Variants in ARHGAP22 observed in about 807,000 individuals in gnomAD.
The protein encoded by ARHGAP22 is rho GTPase-activating protein 22.
Under a neutral mutation model 59.1 loss-of-function variants are expected in ARHGAP22, and 48 were observed. That is an observed-to-expected ratio of 0.81 (90% CI 0.64 to 1.03). The LOEUF (loss-of-function observed/expected upper bound fraction) is 1.03. Among genes scored for constraint, ARHGAP22 ranks in the 50% least tolerant of loss-of-function variants. The pLI is 0.00. For synonymous variants in ARHGAP22, 445 were observed against 416.4 expected, an observed-to-expected ratio of 1.07 and a Z score of -0.84; for missense variants, 1,015 against 958.7, an observed-to-expected ratio of 1.06 and a Z score of -0.78.
intron 1 of ARHGAP22, 27 bp downstream of exon 1, chr10:48,604,726 TGCGGTGCCCA>T (rs76051783): frequency 6.2e-7 from 1 of 1,614,186 alleles, no homozygotes; most frequent in East Asian, 2.2e-5. Context: ...AAGAGGCACA[TGCGGTGCCCA>T]GAGAAACCCC....
At chr10:48,572,952 G>A (rs1289830355) in intron 2 of ARHGAP22, among the ~76,000 whole-genome samples, 1 of 152,156 alleles carries the variant, frequency 6.6e-6, no homozygotes, top group African/African-American at 2.4e-5. Context: ...AGAAGGGGCA[G>A]GAATAAGTGG....
intron 4 of ARHGAP22, among the ~76,000 whole-genome samples, chr10:48,469,441 A>G (rs2048023086): frequency 6.6e-6 from 1 of 152,086 alleles, no homozygotes; most frequent in South Asian, 2.1e-4. Flanking sequence ...TGGCCTCTTC[A>G]CTCTGGATGG....
In ARHGAP22 at chr10:48,555,684, G is replaced by T. The variant is rs141635933; in HGVS notation, c.235-134C>A. The T allele has an allele frequency of 1.4e-3, 1,089 of 757,756 alleles. 1 individual carries two copies. Among genetic ancestry groups the T allele is most frequent in the African/African-American group, 0.011 (664 of 57,950 alleles). 46.9% of individuals were successfully genotyped at this position (757,756 alleles called of 1,614,324 possible). On this transcript the variant is annotated intron_variant, in intron 2 of 9. Coordinates refer to ENST00000249601, the MANE Select transcript of ARHGAP22 (RefSeq NM_021226.4). ...ATGGCTGGGAAGGCTGGGCCTCAGA[G>T]AGGGGCACACACCTCCTCTCCTAGG...
chr10:48,504,766 C>CTG (rs918302165), intron 3 of ARHGAP22, among the ~76,000 whole-genome samples: 2 of 152,096 alleles, frequency 1.3e-5, no homozygotes, highest in African/African-American at 4.8e-5. Flanking sequence ...GAAGCAGAGG[C>CTG]TGGGGCCACA....
chr10:48,529,843 A>G (rs2054651959), intron 3 of ARHGAP22, among the ~76,000 whole-genome samples: 1 of 152,254 alleles, frequency 6.6e-6, no homozygotes, highest in African/African-American at 2.4e-5. Context: ...AACAAAACAT[A>G]AAAGTAGGGA....
intron 3 of ARHGAP22, among the ~76,000 whole-genome samples, chr10:48,533,711 T>G (rs1052182053): frequency 2.0e-5 from 3 of 152,220 alleles, no homozygotes; most frequent in Non-Finnish European, 4.4e-5. Context: ...ACTACGTAAA[T>G]GAATGAGTGT....
intron 1 of ARHGAP22, among the ~76,000 whole-genome samples, chr10:48,590,618 T>C (rs1208249304): frequency 2.0e-5 from 3 of 152,154 alleles, no homozygotes; most frequent in African/African-American, 7.2e-5. Flanking sequence ...TGTGCCAGGG[T>C]GCCCATAAAC....
At chr10:48,628,926 G>A (rs1295747985) in intron 1 of ARHGAP22, among the ~76,000 whole-genome samples, 1 of 152,202 alleles carries the variant, frequency 6.6e-6, no homozygotes, top group Non-Finnish European at 1.5e-5. Flanking sequence ...GGCCACTGCT[G>A]TGACTAAGGG....
intron 3 of ARHGAP22, among the ~76,000 whole-genome samples, chr10:48,505,927 C>A (rs1243790300): frequency 3.9e-5 from 6 of 152,238 alleles, no homozygotes; most frequent in African/African-American, 1.4e-4. Context: ...ACTCCGTATC[C>A]CAGTTCTGCC....
chr10:48,578,323 T>C (rs560254218), intron 2 of ARHGAP22, among the ~76,000 whole-genome samples: 16 of 152,160 alleles, frequency 1.1e-4, no homozygotes, highest in Non-Finnish European at 2.4e-4. Flanking sequence ...CCCTCATCTG[T>C]TTTCCTGCAT....
chr10:48,602,408 C>G (rs1010539191), intron 1 of ARHGAP22, among the ~76,000 whole-genome samples: 2 of 151,706 alleles, frequency 1.3e-5, no homozygotes, highest in African/African-American at 4.9e-5. Context: ...CAAACAAAGA[C>G]AGAAATTCTA....
In ARHGAP22 at chr10:48,605,034, G is replaced by C. The variant is rs1309893760; in HGVS notation, c.-238C>G. 10 of 1,429,168 alleles carry C rather than the reference G, an allele frequency of 7.0e-6. No individual in the cohort carries two copies. The highest frequency in any genetic ancestry group is 2.9e-5 in the African/African-American group (2 of 69,602). The allele number at this position is 1,429,168 out of a possible 1,614,324, so 88.5% of individuals were successfully genotyped here. A position where few individuals can be genotyped will look rare whatever the true frequency, so the allele number is the denominator to read the frequency against. On this transcript the variant is annotated 5_prime_UTR_variant, in exon 1 of 10. Coordinates refer to ENST00000249601, the MANE Select transcript of ARHGAP22 (RefSeq NM_021226.4). ...TCCCAGAATTAATTCCCATCCAAGC[G>C]GACCATTAAAGCCTCAGTAATCACT...
rs1363236112 is a variant in ARHGAP22, at chr10:48,451,063, C to T, written c.1066G>A (p.Gly356Arg). The T allele has an allele frequency of 7.7e-6, 12 of 1,552,308 alleles. No individual in the cohort carries two copies. The highest frequency in any genetic ancestry group is 9.6e-6 in the Non-Finnish European group (11 of 1,147,844). Residue 356 changes from glycine to arginine, a missense_variant, in exon 9 of 10, where the codon GGG becomes AGG. Transcript: ENST00000249601. ...SQLFTAPVPE[G>R]PTSPRGGLQC... ...AGGCCCCCGCGCGGGGAGGTGGGCC[C>T]TTCCGGGACCGGTGCCGTGAAGAGC...
intron 9 of ARHGAP22, among the ~76,000 whole-genome samples, 174 bp downstream of exon 9, chr10:48,450,087 T>C (rs2045751913): frequency 6.6e-6 from 1 of 151,766 alleles, no homozygotes; most frequent in Admixed American, 6.5e-5. Context: ...CCAGACTGAC[T>C]GTGTGCCAAG....
At chr10:48,525,099 G>A (rs940872801) in intron 3 of ARHGAP22, among the ~76,000 whole-genome samples, 3 of 152,196 alleles carry the variant, frequency 2.0e-5, no homozygotes, top group Admixed American at 1.3e-4. Context: ...CACCTTGGAA[G>A]GTAACATGGA....
chr10:48,566,170 C>T (rs1343861157), intron 2 of ARHGAP22, among the ~76,000 whole-genome samples: 2 of 152,294 alleles, frequency 1.3e-5, no homozygotes, highest in South Asian at 2.1e-4. Flanking sequence ...TACCAAGTCT[C>T]CTGATAAAAT....
intron 1 of ARHGAP22, among the ~76,000 whole-genome samples, chr10:48,614,333 C>T (rs1269875745): frequency 3.3e-5 from 5 of 152,138 alleles, no homozygotes; most frequent in Non-Finnish European, 7.3e-5. Context: ...TTGTTTATAA[C>T]CTTAACAAGA....
intron 2 of ARHGAP22, 116 bp from the exon 3 acceptor site, chr10:48,555,666 G>A (rs2057258017): frequency 1.1e-6 from 1 of 931,954 alleles, no homozygotes; most frequent in Non-Finnish European, 1.7e-6. Flanking sequence ...GCCATGGCTG[G>A]GAAGGCTGGG....
chr10:48,487,303 C>A (rs2049956153), intron 3 of ARHGAP22, among the ~76,000 whole-genome samples: 2 of 152,176 alleles, frequency 1.3e-5, no homozygotes, highest in African/African-American at 4.8e-5. Flanking sequence ...AAGACATCCA[C>A]ATGCCTGTCC....
Sources: gnomAD v4.1 joint callset for allele counts (sites outside exome capture counted in the v4.1 genomes callset) on GRCh38, gnomAD v4.1.1 for gene constraint, MANE v1.5 for transcripts, NCBI Gene and HGNC (gene_info 2026-07-23, HGNC 2026-07-21) for gene names.